Variants in GRID2 observed in about 807,000 individuals in gnomAD.
GRID2 encodes the protein glutamate ionotropic receptor delta type subunit 2.
Under a neutral mutation model 114.8 loss-of-function variants are expected in GRID2, and 33 were observed. The observed-to-expected ratio is 0.29, with a 90% confidence interval of 0.22 to 0.38. The LOEUF is 0.38. Ranked by LOEUF, GRID2 falls within the 10% of genes least tolerant of loss-of-function variation. The pLI, the probability that GRID2 is intolerant of heterozygous loss-of-function variation, is 1.00. For missense variants in GRID2, 1,184 were observed against 1,257.7 expected, an observed-to-expected ratio of 0.94 and a Z score of 0.89; for synonymous variants, 505 against 449.9, an observed-to-expected ratio of 1.12 and a Z score of -1.55.
At chr4:93,178,245 A>G (rs1003680712) in intron 4 of GRID2, among the ~76,000 whole-genome samples, 25 of 151,986 alleles carry the variant, frequency 1.6e-4, no homozygotes, top group Middle Eastern at 3.2e-3. Flanking sequence ...ACTCTGCCCC[A>G]TCTGTCCAGG....
chr4:92,351,882 A>G lies in GRID2; in HGVS notation c.88+47138A>G, dbSNP rs188432586. On this transcript the variant is annotated intron_variant, in intron 1 of 15. Transcript: ENST00000282020. ...TAGTATTCTAATGTGTATATATACC[A>G]CATTTTCTTATCCATTCATTTGTTC... Among the ~76,000 whole-genome samples the G allele has an allele frequency of 1.1e-4, 16 of 152,046 alleles. 1 individual carries two copies. In the East Asian group the frequency reaches 2.9e-3, roughly 28 times the overall value.
intron 14 of GRID2, among the ~76,000 whole-genome samples, chr4:93,753,377 G>C (rs968881859): frequency 6.6e-6 from 1 of 151,954 alleles, no homozygotes; most frequent in Non-Finnish European, 1.5e-5. Flanking sequence ...AAGTTCTAGG[G>C]CACATGTGCC....
chr4:92,589,903 C>T (rs78757291), intron 1 of GRID2, among the ~76,000 whole-genome samples: 4,134 of 152,126 alleles, frequency 0.027, 194 homozygotes, highest in African/African-American at 0.094. Flanking sequence ...ATGACCTCCC[C>T]GCAATAACAC....
intron 3 of GRID2, among the ~76,000 whole-genome samples, chr4:93,098,100 G>A (rs904195057): frequency 6.6e-6 from 1 of 151,952 alleles, no homozygotes; most frequent in Non-Finnish European, 1.5e-5. Flanking sequence ...TACAAAATAT[G>A]CCACGTGTTG....
At chr4:92,463,303 G>A (rs1721587517) in intron 1 of GRID2, among the ~76,000 whole-genome samples, 1 of 151,888 alleles carries the variant, frequency 6.6e-6, no homozygotes, top group Admixed American at 6.6e-5. Flanking sequence ...CCTCTTGCCT[G>A]TAAAATCACT....
chr4:92,918,753 C>T (rs940547866), intron 2 of GRID2, among the ~76,000 whole-genome samples: 1 of 152,102 alleles, frequency 6.6e-6, no homozygotes, highest in Non-Finnish European at 1.5e-5. Flanking sequence ...TTTGGTTTGC[C>T]AGTATTTTAT....
intron 8 of GRID2, among the ~76,000 whole-genome samples, chr4:93,357,796 CA>C (rs1761493529): frequency 6.6e-6 from 1 of 151,498 alleles, no homozygotes; most frequent in South Asian, 2.1e-4. Context: ...CTTGGTTGTT[CA>C]AAAGTCACTA....
chr4:92,698,098 C>T (rs191935589), intron 2 of GRID2, among the ~76,000 whole-genome samples: 29 of 152,154 alleles, frequency 1.9e-4, no homozygotes, highest in African/African-American at 5.5e-4. Flanking sequence ...CTATTGTGCA[C>T]GACAGAGATA....
intron 14 of GRID2, among the ~76,000 whole-genome samples, chr4:93,685,775 G>C (rs1726023165): frequency 6.6e-6 from 1 of 152,024 alleles, no homozygotes; most frequent in African/African-American, 2.4e-5. Context: ...GCAGACTCTA[G>C]AACCAGACTA....
At chr4:92,801,103 T>C (rs1740139244) in intron 2 of GRID2, among the ~76,000 whole-genome samples, 1 of 151,994 alleles carries the variant, frequency 6.6e-6, no homozygotes, top group South Asian at 2.1e-4. Flanking sequence ...TTAAGCACTT[T>C]TCTTAGAATA....
chr4:92,317,891 T>C (rs934159098), intron 1 of GRID2, among the ~76,000 whole-genome samples: 1 of 152,180 alleles, frequency 6.6e-6, no homozygotes, highest in Non-Finnish European at 1.5e-5. Flanking sequence ...GCCCCAGTGA[T>C]TGGCTCAGTT....
At chr4:92,485,301 C>T (rs368988587) in intron 1 of GRID2, among the ~76,000 whole-genome samples, 57 of 56,554 alleles carry the variant, frequency 1.0e-3, no homozygotes, top group African/African-American at 1.9e-3. Flanking sequence ...AAGGTGTGTG[C>T]ATATATATAT....
chr4:93,119,708 T>A (rs1733606519), intron 4 of GRID2, among the ~76,000 whole-genome samples: 1 of 152,154 alleles, frequency 6.6e-6, no homozygotes, highest in Non-Finnish European at 1.5e-5. Context: ...ACTTTGAGGC[T>A]GTCAAACAAC....
intron 4 of GRID2, among the ~76,000 whole-genome samples, chr4:93,198,344 G>A (rs2149456565): frequency 6.6e-6 from 1 of 152,184 alleles, no homozygotes; most frequent in Non-Finnish European, 1.5e-5. Flanking sequence ...GAGCAATAAT[G>A]GATGATCATA....
chr4:93,760,555 C>T (rs1733118530), intron 14 of GRID2, among the ~76,000 whole-genome samples: 1 of 152,222 alleles, frequency 6.6e-6, no homozygotes, highest in African/African-American at 2.4e-5. Flanking sequence ...GTATTCAGCC[C>T]TGCAGTGGGG....
At chr4:93,109,824 C>T (rs1732598056) in intron 3 of GRID2, among the ~76,000 whole-genome samples, 1 of 152,032 alleles carries the variant, frequency 6.6e-6, no homozygotes, top group Non-Finnish European at 1.5e-5. Context: ...CTTCTATAAA[C>T]AAGCAATCTG....
At chr4:93,489,059 G>C (rs1189068952) in intron 11 of GRID2, among the ~76,000 whole-genome samples, 3 of 151,822 alleles carry the variant, frequency 2.0e-5, no homozygotes, top group African/African-American at 7.3e-5. Context: ...TATGGGACAA[G>C]GACTGTTCCT....
chr4:92,895,373 C>G (rs1446547983), intron 2 of GRID2, among the ~76,000 whole-genome samples: 2 of 50,504 alleles, frequency 4.0e-5, no homozygotes, highest in Middle Eastern at 0.023. Flanking sequence ...ATTGACACAT[C>G]ATGTAGAAAA....
intron 5 of GRID2, among the ~76,000 whole-genome samples, chr4:93,216,080 G>T (rs984642923): frequency 6.6e-6 from 1 of 151,594 alleles, no homozygotes; most frequent in African/African-American, 2.4e-5. Context: ...AAGAGCACTG[G>T]GTTTCTCTCT....
Sources: allele counts gnomAD v4.1 joint callset (sites outside exome capture counted in the v4.1 genomes callset), GRCh38; gene constraint gnomAD v4.1.1; transcripts MANE v1.5; gene names NCBI Gene and HGNC (gene_info 2026-07-23, HGNC 2026-07-21).